CERKL: variants seen among roughly 807,000 people sequenced by gnomAD.
The protein encoded by CERKL is ceramide kinase-like protein.
CERKL carries 61 observed loss-of-function variants against 63.4 expected under a neutral mutation model. The observed-to-expected ratio is 0.96, with a 90% CI of 0.78 to 1.19. The LOEUF (loss-of-function observed/expected upper bound fraction) is 1.19. CERKL is among the 50% of genes most tolerant of loss of function. The pLI is 0.00. For missense variants in CERKL, 675 were observed against 655.5 expected, an observed-to-expected ratio of 1.03 and a Z score of -0.33; for synonymous variants, 250 against 230.5, an observed-to-expected ratio of 1.08 and a Z score of -0.77.
intron 1 of CERKL, among the ~76,000 whole-genome samples, chr2:181,620,455 G>T (rs1686398780): frequency 6.6e-6 from 1 of 152,086 alleles, no homozygotes; most frequent in Non-Finnish European, 1.5e-5. Flanking sequence ...TTTATACCAT[G>T]CCCATTCAGT....
intron 3 of CERKL, among the ~76,000 whole-genome samples, chr2:181,573,158 A>T (rs1474026886): frequency 3.3e-5 from 5 of 152,172 alleles, no homozygotes; most frequent in Admixed American, 3.3e-4. Context: ...CTACCAAATT[A>T]AAAAAATCAA....
chr2:181,627,712 T>C (rs868019399), intron 1 of CERKL, among the ~76,000 whole-genome samples: 1 of 152,164 alleles, frequency 6.6e-6, no homozygotes, highest in Non-Finnish European at 1.5e-5. Flanking sequence ...AGTTCAGCTA[T>C]AGAAATACAC....
chr2:181,588,516 G>A (rs947687419), intron 2 of CERKL, among the ~76,000 whole-genome samples: 3 of 152,072 alleles, frequency 2.0e-5, no homozygotes, highest in Non-Finnish European at 4.4e-5. Flanking sequence ...TACTCAGATT[G>A]ATCCCTTATC....
Position 181,537,514 on chromosome 2 carries a change from C to CTA in CERKL, c.*668_*669dup. On this transcript the variant is annotated 3_prime_UTR_variant, in exon 13 of 13. Coordinates refer to ENST00000410087, the MANE Select transcript of CERKL (RefSeq NM_201548.5). ...CTTTTTTGGCAGGTAGGCTATATAA[C>CTA]TATGTGATTTTGAAATTTAACTGCT... is the stretch of plus-strand genomic sequence containing the variant. 2.2e-6 allele frequency: 1 copy of CTA among 450,056 alleles called. No homozygotes were observed. Among genetic ancestry groups the CTA allele is most frequent in the South Asian group, 1.6e-5 (1 of 64,044 alleles). 27.9% of individuals were successfully genotyped at this position (450,056 alleles called of 1,614,324 possible).
At position 181,657,103 on chromosome 2, in the gene CERKL, G is replaced by T; in HGVS notation, c.-97C>A. 2 of 1,164,796 alleles carry T rather than the reference G, an allele frequency of 1.7e-6. No homozygotes were observed. Among genetic ancestry groups the T allele is most frequent in the Non-Finnish European group, 2.5e-6 (2 of 800,562 alleles). The allele number at this position is 1,164,796 out of a possible 1,614,324, so 72.2% of individuals were successfully genotyped here. A position where few individuals can be genotyped will look rare whatever the true frequency, so the allele number is the denominator to read the frequency against. On this transcript the variant is annotated 5_prime_UTR_variant, in exon 1 of 13. Transcript: ENST00000410087. The stretch of plus-strand genomic sequence containing the variant: ...AGCCCCAGCTCTAGCCGCGTCCAGC[G>T]CTGCCACAGCAACGGCGCGCAGGGC...
At chr2:181,565,288 C>T (rs1385342301) in intron 4 of CERKL, 5 of 660,824 alleles carry the variant, frequency 7.6e-6, no homozygotes, top group African/African-American at 1.8e-5. Context: ...CACTTGTCAA[C>T]TTTTTAAATT....
At chr2:181,548,109 G>A (rs1687815535) in intron 8 of CERKL, 1 of 581,842 alleles carries the variant, frequency 1.7e-6, no homozygotes, top group African/African-American at 1.9e-5. Flanking sequence ...CTTTAATATG[G>A]CTTTAATATT....
intron 2 of CERKL, among the ~76,000 whole-genome samples, chr2:181,596,870 C>T (rs1294839636): frequency 6.6e-6 from 1 of 152,158 alleles, no homozygotes; most frequent in Non-Finnish European, 1.5e-5. Context: ...CCTCTCAATC[C>T]TCGGACTCAG....
intron 2 of CERKL, among the ~76,000 whole-genome samples, chr2:181,590,254 C>CAG (rs1684937475): frequency 6.6e-6 from 1 of 152,144 alleles, no homozygotes; most frequent in Admixed American, 6.5e-5. Flanking sequence ...TCTCATGCCT[C>CAG]AGCCTCCTGA....
Position 181,650,765 on chromosome 2 carries a change from AAAAG to A in CERKL, c.238+6000_238+6003del, listed in dbSNP as rs1559125107. Reference sequence around the variant, plus strand: ...CAAGAGCGAAACTCCATCTCAAAAAAAAAGAAAGAAAGAAAAAAAAGAACAGAAC... The same window carrying A: ...CAAGAGCGAAACTCCATCTCAAAAAAAAAGAAAGAAAAAAAAGAACAGAAC... On this transcript the variant is annotated intron_variant, in intron 1 of 12. Transcript: ENST00000410087. Among the ~76,000 whole-genome samples, 6 of 150,006 alleles carry A rather than the reference AAAAG, an allele frequency of 4.0e-5. 1 individual carries two copies. In the South Asian group the frequency reaches 1.2e-3, roughly 31 times the overall value.
At chr2:181,545,588 G>C (rs1358130359) in intron 10 of CERKL, among the ~76,000 whole-genome samples, 2 of 152,174 alleles carry the variant, frequency 1.3e-5, no homozygotes, top group Admixed American at 6.5e-5. Flanking sequence ...AGGGACCTTA[G>C]AGATTATCTC....
chr2:181,539,194 C>T lies in CERKL; in HGVS notation c.1436G>A (p.Gly479Glu), dbSNP rs1687367246. The T allele has an allele frequency of 3.1e-6, 5 of 1,605,306 alleles. No individual in the cohort carries two copies. Among genetic ancestry groups the T allele is most frequent in the Non-Finnish European group, 3.4e-6 (4 of 1,172,220 alleles). ...ATCCTCCTCCTCCTCTGGATTATAT[C>T]CACCAGTATTATTCCTTGGATGAAC... The part of the protein sequence containing the change: ...VKVHPRNNTG[G>E]YNPEEEEDET... Residue 479 changes from glycine to glutamate, a missense_variant, in exon 12 of 13, where the codon GGA (glycine) becomes GAA (glutamate). Gly to Glu is a moderately conservative substitution (Grantham distance 98). Coordinates refer to ENST00000410087, the MANE Select transcript of CERKL (RefSeq NM_201548.5).
At chr2:181,639,869 A>G (rs1391597006) in intron 1 of CERKL, among the ~76,000 whole-genome samples, 1 of 152,242 alleles carries the variant, frequency 6.6e-6, no homozygotes, top group Non-Finnish European at 1.5e-5. Context: ...AGAACCTGGC[A>G]GAGTAAACAA....
intron 4 of CERKL, among the ~76,000 whole-genome samples, chr2:181,561,909 G>T (rs1008591074): frequency 6.6e-6 from 1 of 152,092 alleles, no homozygotes; most frequent in East Asian, 1.9e-4. Flanking sequence ...TCCCTCCTGG[G>T]TTCAAGTGAT....
At chr2:181,554,422 T>C (rs11680383) in intron 5 of CERKL, among the ~76,000 whole-genome samples, 35,305 of 152,108 alleles carry the variant, frequency 0.23, 4,907 homozygotes, top group Non-Finnish European at 0.31. Context: ...CTCAAATTAA[T>C]TGGAAAGCAT....
At position 181,538,264 on chromosome 2, in the gene CERKL, T is replaced by G. The variant is rs749423367; in HGVS notation, c.1539-20A>C. The G allele has an allele frequency of 2.1e-5, 30 of 1,457,156 alleles. No homozygotes were observed. In the African/African-American group the frequency reaches 3.9e-4, roughly 19 times the overall value. The allele number at this position is 1,457,156 out of a possible 1,614,324, so 90.3% of individuals were successfully genotyped here. A position where few individuals can be genotyped will look rare whatever the true frequency, so the allele number is the denominator to read the frequency against. The stretch of plus-strand genomic sequence containing the variant: ...TGCAATCTGTAAAGAAAATACATTA[T>G]TTCATCAACTTATTTTGTTGTTTTT... On this transcript the variant is annotated intron_variant, in intron 12 of 12. Coordinates refer to ENST00000410087, the MANE Select transcript of CERKL (RefSeq NM_201548.5).
At chr2:181,590,433 C>T (rs964237973) in intron 2 of CERKL, among the ~76,000 whole-genome samples, 1 of 151,932 alleles carries the variant, frequency 6.6e-6, no homozygotes, top group Non-Finnish European at 1.5e-5. Flanking sequence ...AGCCACTGCA[C>T]CTGGGCCCAT....
At chr2:181,613,662 G>A (rs1401790150) in intron 1 of CERKL, among the ~76,000 whole-genome samples, 3 of 152,198 alleles carry the variant, frequency 2.0e-5, no homozygotes, top group Admixed American at 6.5e-5. Flanking sequence ...TTTGAAATTA[G>A]TAATTTGTGA....
At position 181,537,541 on chromosome 2, in the gene CERKL, T is replaced by C. The variant is rs1200427281; in HGVS notation, c.*643A>G. 2 of 443,424 alleles carry C rather than the reference T, an allele frequency of 4.5e-6. No homozygotes were observed. The allele number at this position is 443,424 out of a possible 1,614,324, so 27.5% of individuals were successfully genotyped here. On this transcript the variant is annotated 3_prime_UTR_variant, in exon 13 of 13. Transcript: ENST00000410087. ...ATGTGATTTTGAAATTTAACTGCTC[T>C]GGATTAGGGAGCAGTGAATCAAGGC... is the stretch of plus-strand genomic sequence containing the variant.
Sources: allele counts gnomAD v4.1 joint callset (sites outside exome capture counted in the v4.1 genomes callset), GRCh38; gene constraint gnomAD v4.1.1; transcripts MANE v1.5; gene names NCBI Gene and HGNC (gene_info 2026-07-23, HGNC 2026-07-21).